The following CFAP61 variants were observed in gnomAD, a reference collection of about 807,000 sequenced individuals.
The protein encoded by CFAP61 is cilia and flagella associated protein 61, also known as cilia- and flagella-associated protein 61.
Under a neutral mutation model 135.6 loss-of-function variants are expected in CFAP61, and 107 were observed. That is an observed-to-expected ratio of 0.79 (90% CI 0.67 to 0.93). CFAP61 has a LOEUF of 0.93. Among genes scored for constraint, CFAP61 ranks in the 40% least tolerant of loss-of-function variants. CFAP61 has a pLI of 0.00. For missense variants in CFAP61, 1,507 were observed against 1,556.2 expected (o/e 0.97, Z 0.53); for synonymous variants, 575 against 578.5 (o/e 0.99, Z 0.09).
At chr20:20,342,532 G>A (rs1212303119) in intron 26 of CFAP61, among the ~76,000 whole-genome samples, 4 of 152,198 alleles carry the variant, frequency 2.6e-5, no homozygotes, top group African/African-American at 7.2e-5. Context: ...ACTGTGGAAC[G>A]TTAAGAGCTG....
At chr20:20,074,259 A>G (rs1287031044) in intron 3 of CFAP61, 43 bp from the exon 4 acceptor site, 2 of 1,560,146 alleles carry the variant, frequency 1.3e-6, no homozygotes, top group African/African-American at 1.4e-5. Flanking sequence ...CCTAGCCCGA[A>G]TACTGACTCA....
chr20:20,113,789 A>C (rs931940982), intron 8 of CFAP61, among the ~76,000 whole-genome samples: 1 of 152,168 alleles, frequency 6.6e-6, no homozygotes, highest in African/African-American at 2.4e-5. Context: ...TTAAATGTCC[A>C]TATATGTGTA....
intron 26 of CFAP61, among the ~76,000 whole-genome samples, chr20:20,348,809 A>C (rs533193190): frequency 1.3e-4 from 20 of 151,906 alleles, no homozygotes; most frequent in Admixed American, 3.9e-4. Context: ...AAAAAAAAAA[A>C]AAACAAACTG....
intron 7 of CFAP61, chr20:20,095,830 A>G (rs1325438302): frequency 1.3e-5 from 2 of 152,242 alleles, no homozygotes; most frequent in African/African-American, 4.8e-5. Flanking sequence ...AAACCCTCAC[A>G]GTGGAATATT....
intron 8 of CFAP61, among the ~76,000 whole-genome samples, chr20:20,140,732 A>G (rs1400404756): frequency 8.5e-5 from 2 of 23,600 alleles, no homozygotes; most frequent in African/African-American, 3.8e-4. Flanking sequence ...CCAAAGGACT[A>G]TAATCATGCT....
chr20:20,236,788 T>C (rs1283983955), intron 18 of CFAP61, among the ~76,000 whole-genome samples: 1 of 152,224 alleles, frequency 6.6e-6, no homozygotes, highest in Non-Finnish European at 1.5e-5. Context: ...TAATGTTCCA[T>C]GATTCCATCC....
At chr20:20,355,669 C>G (rs1317095560) in intron 26 of CFAP61, among the ~76,000 whole-genome samples, 1 of 142,394 alleles carries the variant, frequency 7.0e-6, no homozygotes. Context: ...GGGAGGTGAT[C>G]ACACTAAGGG....
intron 21 of CFAP61, among the ~76,000 whole-genome samples, chr20:20,269,182 C>CACACATATATATACATATATGTATAT (rs2053101553): frequency 1.4e-5 from 1 of 70,122 alleles, no homozygotes; most frequent in African/African-American, 4.6e-5. Flanking sequence ...TATGTATATA[C>CACACATATATATACATATATGTATAT]ACACACATAT....
At chr20:20,225,634 T>A (rs1235497893) in intron 17 of CFAP61, 1 of 152,246 alleles carries the variant, frequency 6.6e-6, no homozygotes, top group Admixed American at 6.5e-5. Context: ...CATGTTTCAA[T>A]GTTAGCTTAC....
At chr20:20,242,039 T>G (rs2050048641) in intron 18 of CFAP61, among the ~76,000 whole-genome samples, 2 of 152,350 alleles carry the variant, frequency 1.3e-5, no homozygotes, top group South Asian at 4.1e-4. Context: ...TCTCATAATA[T>G]TGAGCTATTT....
intron 25 of CFAP61, among the ~76,000 whole-genome samples, chr20:20,339,029 G>A (rs1044399707): frequency 2.0e-5 from 3 of 152,290 alleles, no homozygotes; most frequent in South Asian, 4.1e-4. Flanking sequence ...TTCTATTTCA[G>A]TCTTGAAGAG....
chr20:20,262,697 G>A lies in CFAP61; in HGVS notation c.2329-259G>A, dbSNP rs188707259. Among the ~76,000 whole-genome samples the A allele has an allele frequency of 5.9e-5, 9 of 152,052 alleles. No individual in the cohort carries two copies. The East Asian group carries it at 1.7e-3, about 29-fold the overall frequency. ...TCCTGCATAAGCTGGGAGCCTAATG[G>A]TTGATTTTTACCACTGAGTTTTGAA... On this transcript the variant is annotated intron_variant, in intron 20 of 26. Coordinates refer to ENST00000245957, the MANE Select transcript of CFAP61 (RefSeq NM_015585.4).
chr20:20,226,215 G>A (rs1304425621), intron 17 of CFAP61: 1 of 152,174 alleles, frequency 6.6e-6, no homozygotes, highest in Non-Finnish European at 1.5e-5. Context: ...CCTAACTCAT[G>A]GATGTTAGGC....
chr20:20,202,136 C>A (rs1031219233), intron 17 of CFAP61, among the ~76,000 whole-genome samples: 1 of 152,102 alleles, frequency 6.6e-6, no homozygotes, highest in Non-Finnish European at 1.5e-5. Context: ...ATTGAGTAAC[C>A]TTTTCCATGT....
chr20:20,053,183 G>A (rs1257126328), intron 1 of CFAP61, among the ~76,000 whole-genome samples: 1 of 152,190 alleles, frequency 6.6e-6, no homozygotes, highest in Admixed American at 6.5e-5. Flanking sequence ...GATGTTAGCT[G>A]TTATAATACT....
At chr20:20,141,787 C>T (rs116379976) in intron 8 of CFAP61, among the ~76,000 whole-genome samples, 1,659 of 152,242 alleles carry the variant, frequency 0.011, 31 homozygotes, top group African/African-American at 0.038. Flanking sequence ...AGCAGAGGAC[C>T]CTGGCTGCTC....
At chr20:20,285,938 A>AAAAC (rs1287370969) in intron 22 of CFAP61, among the ~76,000 whole-genome samples, 2 of 151,492 alleles carry the variant, frequency 1.3e-5, no homozygotes, top group Non-Finnish European at 2.9e-5. Context: ...AAAAAAAACA[A>AAAAC]AAACAAACAA....
At chr20:20,137,000 C>A (rs1333708052) in intron 8 of CFAP61, among the ~76,000 whole-genome samples, 1 of 152,122 alleles carries the variant, frequency 6.6e-6, no homozygotes, top group African/African-American at 2.4e-5. Context: ...TTGGTTCTTG[C>A]AGACTTGTAG....
intron 8 of CFAP61, among the ~76,000 whole-genome samples, chr20:20,123,012 T>C (rs546329717): frequency 2.6e-5 from 4 of 152,008 alleles, no homozygotes; most frequent in African/African-American, 9.7e-5. Flanking sequence ...TGCATTTCCC[T>C]GATCATTAGT....
Sources: gnomAD v4.1 joint callset for allele counts (sites outside exome capture counted in the v4.1 genomes callset) on GRCh38, gnomAD v4.1.1 for gene constraint, MANE v1.5 for transcripts, NCBI Gene and HGNC (gene_info 2026-07-23, HGNC 2026-07-21) for gene names.